Variants in DSG2 observed in about 807,000 individuals in gnomAD.
DSG2 encodes desmoglein-2.
A neutral mutation model predicts 75.6 loss-of-function variants in DSG2; 45 were observed. The observed-to-expected ratio is 0.60, with a 90% CI of 0.47 to 0.76. DSG2 has a LOEUF of 0.76. Among genes scored for constraint, DSG2 ranks in the 30% least tolerant of loss-of-function variants. The probability of loss-of-function intolerance (pLI) is 0.00; values close to 1 mark genes in which losing one functional copy is unlikely to be tolerated. For synonymous variants in DSG2, 429 were observed against 483.9 expected, an observed-to-expected ratio of 0.89 and a Z score of 1.49; for missense variants, 1,267 against 1,357.4, an observed-to-expected ratio of 0.93 and a Z score of 1.05.
chr18:31,525,962 G>A (rs1458762874), intron 8 of DSG2, among the ~76,000 whole-genome samples: 1 of 152,128 alleles, frequency 6.6e-6, no homozygotes, highest in African/African-American at 2.4e-5. Flanking sequence ...CCAACATGGT[G>A]AAACCCCATC....
At chr18:31,516,163 AACCT>A (rs2073093226) in intron 1 of DSG2, among the ~76,000 whole-genome samples, 1 of 152,194 alleles carries the variant, frequency 6.6e-6, no homozygotes, top group African/African-American at 2.4e-5. Flanking sequence ...AGATAAGGAA[AACCT>A]AAATATATTT....
chr18:31,499,876 C>T (rs1250446238), intron 1 of DSG2, among the ~76,000 whole-genome samples: 7 of 151,940 alleles, frequency 4.6e-5, no homozygotes, highest in Non-Finnish European at 2.9e-5. Flanking sequence ...CTTTAGAAAG[C>T]GACTATAGCC....
At chr18:31,521,523 G>A (rs1276606724) in intron 5 of DSG2, among the ~76,000 whole-genome samples, 1 of 152,116 alleles carries the variant, frequency 6.6e-6, no homozygotes, top group African/African-American at 2.4e-5. Context: ...TAGACAATAT[G>A]TAAACAAATG....
chr18:31,541,149 T>TATC (rs2073264194), intron 12 of DSG2, 44 bp from the exon 13 acceptor site: 1 of 1,613,478 alleles, frequency 6.2e-7, no homozygotes, highest in South Asian at 1.1e-5. Context: ...TTTAGAAATA[T>TATC]ATCAAGGTTA....
intron 9 of DSG2, among the ~76,000 whole-genome samples, chr18:31,534,248 G>A (rs2053826): frequency 0.24 from 35,913 of 151,934 alleles, 4,738 homozygotes; most frequent in East Asian, 0.46. Flanking sequence ...TCGGCTTCCC[G>A]AAGTGCTAGG....
At chr18:31,537,447 G>A (rs113272365) in intron 11 of DSG2, among the ~76,000 whole-genome samples, 23,508 of 151,772 alleles carry the variant, frequency 0.15, 2,382 homozygotes, top group African/African-American at 0.29. Flanking sequence ...GTGAAACCCC[G>A]TCTCTACTAA....
intron 1 of DSG2, among the ~76,000 whole-genome samples, chr18:31,500,303 G>A (rs964628056): frequency 6.6e-6 from 1 of 152,172 alleles, no homozygotes; most frequent in East Asian, 1.9e-4. Flanking sequence ...GAGCCACACC[G>A]CTTAGGGAGC....
At chr18:31,535,168 C>T (rs2073221417) in intron 9 of DSG2, 102 bp from the exon 10 acceptor site, 1 of 847,804 alleles carries the variant, frequency 1.2e-6, no homozygotes, top group South Asian at 1.6e-5. Flanking sequence ...GTAATAAGAA[C>T]ATATTTAAAG....
At position 31,546,599 on chromosome 18, in the gene DSG2, T is replaced by G. The variant is rs749228717; in HGVS notation, c.3213T>G (p.Ala1071=). 6.2e-7 allele frequency: 1 copy of G among 1,614,190 alleles called. No homozygotes were observed. Among genetic ancestry groups the G allele is most frequent in the South Asian group, 1.1e-5 (1 of 91,086 alleles). ...YQIPTENSMT[A]RNTTVSGAGV... The stretch of plus-strand genomic sequence containing the variant: ...TTCCCACTGAAAATTCTATGACGGC[T>G]AGGAACACCACGGTGTCTGGAGCTG... Residue 1071 remains alanine (A), a synonymous_variant, in exon 15 of 15, where the codon GCT becomes GCG. Coordinates refer to ENST00000261590, the MANE Select transcript of DSG2 (RefSeq NM_001943.5).
Position 31,548,968 on chromosome 18 carries a change from T to C in DSG2, c.*2225T>C, listed in dbSNP as rs184734037. On this transcript the variant is annotated 3_prime_UTR_variant, in exon 15 of 15. Coordinates refer to ENST00000261590, the MANE Select transcript of DSG2 (RefSeq NM_001943.5). Reference sequence around the variant, plus strand: ...TTGGACTTTGTTATTTAATTAGATCTGCTTGCAATAAAAAAAGTTGTCGGT... The same window carrying C: ...TTGGACTTTGTTATTTAATTAGATCCGCTTGCAATAAAAAAAGTTGTCGGT... 6.6e-6 allele frequency: 1 copy of C among 152,362 alleles called. No homozygotes were observed. Among genetic ancestry groups the C allele is most frequent in the Admixed American group, 6.5e-5 (1 of 15,312 alleles). The allele number at this position is 152,362 out of a possible 1,614,324, so 9.4% of individuals were successfully genotyped here.
chr18:31,509,598 T>C (rs111343593), intron 1 of DSG2, among the ~76,000 whole-genome samples: 1,927 of 152,334 alleles, frequency 0.013, 46 homozygotes, highest in African/African-American at 0.045. Flanking sequence ...ATAAATGTTA[T>C]AAAAACTGTC....
intron 14 of DSG2, 107 bp from the exon 15 acceptor site, chr18:31,545,614 T>G (rs1174926320): frequency 2.3e-6 from 3 of 1,320,368 alleles, no homozygotes; most frequent in African/African-American, 2.9e-5. Context: ...GTAATTAAAT[T>G]CACATTACTG....
chr18:31,525,053 G>A (rs561735070), intron 8 of DSG2, among the ~76,000 whole-genome samples, 165 bp downstream of exon 8: 1 of 152,328 alleles, frequency 6.6e-6, no homozygotes, highest in South Asian at 2.1e-4. Flanking sequence ...TCTGTGGTTA[G>A]GAAGTGGTCA....
At chr18:31,501,727 G>T (rs1299281877) in intron 1 of DSG2, among the ~76,000 whole-genome samples, 1 of 152,158 alleles carries the variant, frequency 6.6e-6, no homozygotes, top group Non-Finnish European at 1.5e-5. Context: ...AACATCGGTT[G>T]TACTGGATTA....
chr18:31,541,140 T>G, intron 12 of DSG2, 53 bp from the exon 13 acceptor site: 1 of 1,612,904 alleles, frequency 6.2e-7, no homozygotes, highest in Non-Finnish European at 8.5e-7. Context: ...CAATATAAAT[T>G]TAGAAATATA....
At chr18:31,507,901 C>G (rs1356409382) in intron 1 of DSG2, among the ~76,000 whole-genome samples, 1 of 152,148 alleles carries the variant, frequency 6.6e-6, no homozygotes, top group African/African-American at 2.4e-5. Context: ...ATGATGGTTT[C>G]TTTTGCTGTG....
chr18:31,505,207 T>A (rs1320990165), intron 1 of DSG2, among the ~76,000 whole-genome samples: 2 of 152,184 alleles, frequency 1.3e-5, no homozygotes, highest in Non-Finnish European at 2.9e-5. Flanking sequence ...ACTTCTCATT[T>A]TTTGTCCAAA....
intron 1 of DSG2, among the ~76,000 whole-genome samples, chr18:31,505,232 G>C (rs2073032947): frequency 6.6e-6 from 1 of 152,042 alleles, no homozygotes; most frequent in Non-Finnish European, 1.5e-5. Context: ...TCCATGTTCT[G>C]GCACATGGAG....
rs889577310 is a variant in DSG2 at position 31,547,695 on chromosome 18, A to G, written c.*952A>G. 27 of 145,992 alleles carry G rather than the reference A, an allele frequency of 1.8e-4. No homozygotes were observed. The highest frequency in any genetic ancestry group is 7.4e-4 in the African/African-American group (27 of 36,450). 9.0% of individuals were successfully genotyped at this position (145,992 alleles called of 1,614,324 possible). ...CCGTCTCAAAAAAAAAAAGAAAAGG[A>G]AAAAAAAATAGCATTATACCTCTTC... On this transcript the variant is annotated 3_prime_UTR_variant, in exon 15 of 15. Transcript: ENST00000261590.
Sources: allele counts gnomAD v4.1 joint callset (sites outside exome capture counted in the v4.1 genomes callset), GRCh38; gene constraint gnomAD v4.1.1; transcripts MANE v1.5; gene names NCBI Gene and HGNC (gene_info 2026-07-23, HGNC 2026-07-21).